Variants in PGP observed in about 807,000 individuals in gnomAD.
The protein encoded by PGP is aspartate-based ubiquitous Mg(2+)-dependent phosphatase.
A neutral mutation model predicts 19.3 loss-of-function variants in PGP; 9 were observed. The observed-to-expected ratio is 0.47, with a 90% confidence interval of 0.28 to 0.81. The LOEUF (loss-of-function observed/expected upper bound fraction) is 0.81. PGP is among the 40% of genes least tolerant of loss of function. PGP has a pLI of 0.11. For synonymous variants in PGP, 308 were observed against 226.8 expected (o/e 1.36, Z -3.22); for missense variants, 403 against 479.9 (o/e 0.84, Z 1.50).
Position 2,211,772 on chromosome 16 carries a change from A to G in PGP, c.*1956T>C, listed in dbSNP as rs1013447263. On this transcript the variant is annotated 3_prime_UTR_variant, in exon 2 of 2. Transcript: ENST00000333503. ...CCTGGGCGCTCTGACACGGCAGCCC[A>G]CCAGCTTCACTCCAGGGCCCTTTGC... 1.0e-6 allele frequency: 1 copy of G among 985,516 alleles called. No homozygotes were observed. Among genetic ancestry groups the G allele is most frequent in the Non-Finnish European group, 1.2e-6 (1 of 830,026 alleles). The allele number at this position is 985,516 out of a possible 1,614,324, so 61.0% of individuals were successfully genotyped here. A position where few individuals can be genotyped will look rare whatever the true frequency, so the allele number is the denominator to read the frequency against.
rs1232744994 is a variant in PGP at position 2,213,785 on chromosome 16, C to G, written c.909G>C (p.Met303Ile). 6.3e-7 allele frequency: 1 copy of G among 1,596,230 alleles called. No individual in the cohort carries two copies. Among genetic ancestry groups the G allele is most frequent in the African/African-American group, 1.3e-5 (1 of 74,484 alleles). ...QESDCVSKKK[M>I]VPDFYVDSIA... ...TGCTGTCAACATAGAAGTCAGGGACCATTTTCTTCTTAGACACGCAGTCAC... is the reference window on the plus strand; with the variant it reads ...TGCTGTCAACATAGAAGTCAGGGACGATTTTCTTCTTAGACACGCAGTCAC... The change falls in exon 2 of 2, where the codon ATG (methionine) becomes ATC (isoleucine). Residue 303 changes from methionine (M) to isoleucine (I), a missense_variant. Met to Ile is a conservative substitution (Grantham distance 10, BLOSUM62 1). Transcript: ENST00000333503.
Position 2,214,258 on chromosome 16 carries a change from G to A in PGP, c.520C>T (p.Pro174Ser), listed in dbSNP as rs2093382531. ...GTGAGCTTCATGTAGCTGAAGTGCG[G>A]GTCAAAGCCCACCACCACCGCGCGC... ...DVRAVVVGFDPHFSYMKLTKA... is the reference protein window; with the variant it reads ...DVRAVVVGFDSHFSYMKLTKA... Residue 174 changes from proline to serine, a missense_variant, in exon 1 of 2, where the codon CCG (proline) becomes TCG (serine). Coordinates refer to ENST00000333503, the MANE Select transcript of PGP (RefSeq NM_001042371.3). The surrounding 1 kb of genome is among the most constrained non-coding windows in gnomAD (Gnocchi z 7.1). The A allele has an allele frequency of 6.3e-7, 1 of 1,586,480 alleles. No homozygotes were observed. The highest frequency in any genetic ancestry group is 1.1e-5 in the South Asian group (1 of 88,932).
In PGP at chr16:2,212,322, C is replaced by T; in HGVS notation, c.*1406G>A. 1 of 986,092 alleles carries T rather than the reference C, an allele frequency of 1.0e-6. No individual in the cohort carries two copies. The highest frequency in any genetic ancestry group is 4.7e-5 in the South Asian group (1 of 21,292). 61.1% of individuals were successfully genotyped at this position (986,092 alleles called of 1,614,324 possible). A position where few individuals can be genotyped will look rare whatever the true frequency, so the allele number is the denominator to read the frequency against. ...CTTATTGCTCTGAAGTCTTTGTGAC[C>T]AAGTGGAGTGCTGTGACTGTGGGGC... On this transcript the variant is annotated 3_prime_UTR_variant, in exon 2 of 2. Coordinates refer to ENST00000333503, the MANE Select transcript of PGP (RefSeq NM_001042371.3).
rs1610874 is a variant in PGP at position 2,212,926 on chromosome 16, G to GTTTA, written c.*801_*802insTAAA. The GTTTA allele has an allele frequency of 9.9e-5, 98 of 985,362 alleles. No individual in the cohort carries two copies. Among genetic ancestry groups the GTTTA allele is most frequent in the Non-Finnish European group, 1.1e-4 (94 of 829,912 alleles). The allele number at this position is 985,362 out of a possible 1,614,324, so 61.0% of individuals were successfully genotyped here. On this transcript the variant is annotated 3_prime_UTR_variant, in exon 2 of 2. Coordinates refer to ENST00000333503, the MANE Select transcript of PGP (RefSeq NM_001042371.3). ...ACACAGTTGTTCAAAGTTAAAAACTGGTAGCAGCACTGCTCTGAGCTCCCT... is the reference window on the plus strand; with the variant it reads ...ACACAGTTGTTCAAAGTTAAAAACTGTTTAGTAGCAGCACTGCTCTGAGCTCCCT...
Position 2,213,691 on chromosome 16 carries a change from C to CTT in PGP, c.*35_*36dup. ...AATTTGGGTAACTGGTTTTCAATTT[C>CTT]TTTTTTTTTATTCTGCAGATTAAAG... On this transcript the variant is annotated 3_prime_UTR_variant, in exon 2 of 2. Coordinates refer to ENST00000333503, the MANE Select transcript of PGP (RefSeq NM_001042371.3). 6.8e-7 allele frequency: 1 copy of CTT among 1,465,978 alleles called. No individual in the cohort carries two copies. The highest frequency in any genetic ancestry group is 9.1e-7 in the Non-Finnish European group (1 of 1,104,414). The allele number at this position is 1,465,978 out of a possible 1,614,324, so 90.8% of individuals were successfully genotyped here.
At position 2,212,550 on chromosome 16, in the gene PGP, G is replaced by T; in HGVS notation, c.*1178C>A. 1 of 985,520 alleles carries T rather than the reference G, an allele frequency of 1.0e-6. No individual in the cohort carries two copies. Among genetic ancestry groups the T allele is most frequent in the Non-Finnish European group, 1.2e-6 (1 of 829,964 alleles). The allele number at this position is 985,520 out of a possible 1,614,324, so 61.0% of individuals were successfully genotyped here. On this transcript the variant is annotated 3_prime_UTR_variant, in exon 2 of 2. Coordinates refer to ENST00000333503, the MANE Select transcript of PGP (RefSeq NM_001042371.3). ...CCAAGTCCTGCTGGCCACTGAAGAG[G>T]GAATCCAGGGCAAGGCAGGTGACCT...
Position 2,213,897 on chromosome 16 carries a change from ATG to A in PGP, c.795_796del (p.Ile266ProfsTer26). On this transcript the variant is annotated frameshift_variant, in exon 2 of 2. Transcript: ENST00000333503. LOFTEE classifies it high-confidence loss of function. ...CAGGCCACAGGTGGCGCCTAGGAGGATGTCTGTGTCCAGGCGGTCTCCCACCA... is the reference window on the plus strand; with the variant it reads ...CAGGCCACAGGTGGCGCCTAGGAGGATCTGTGTCCAGGCGGTCTCCCACCA... The A allele has an allele frequency of 6.2e-7, 1 of 1,613,242 alleles. No homozygotes were observed. The highest frequency in any genetic ancestry group is 8.5e-7 in the Non-Finnish European group (1 of 1,179,544).
chr16:2,212,024 G>C lies in PGP; in HGVS notation c.*1704C>G, dbSNP rs117181636. ...GGTTTGAGAGTTTAATCTGTGCTCT[G>C]GCGCCCACAGTGCTGCAGCCCCTCA... On this transcript the variant is annotated 3_prime_UTR_variant, in exon 2 of 2. Transcript: ENST00000333503. The C allele has an allele frequency of 2.1e-5, 21 of 985,414 alleles. No homozygotes were observed. The highest frequency in any genetic ancestry group is 2.4e-5 in the Non-Finnish European group (20 of 829,978). The allele number at this position is 985,414 out of a possible 1,614,324, so 61.0% of individuals were successfully genotyped here.
At position 2,213,345 on chromosome 16, in the gene PGP, CCT is replaced by C. The variant is rs1567287753; in HGVS notation, c.*381_*382del. 4 of 993,666 alleles carry C rather than the reference CCT, an allele frequency of 4.0e-6. No individual in the cohort carries two copies. The highest frequency in any genetic ancestry group is 5.2e-4 in the Middle Eastern group (1 of 1,940). 61.6% of individuals were successfully genotyped at this position (993,666 alleles called of 1,614,324 possible). A position where few individuals can be genotyped will look rare whatever the true frequency, so the allele number is the denominator to read the frequency against. The stretch of plus-strand genomic sequence containing the variant: ...GTCAGAATAATCAGTCCCTCTGCCC[CCT>C]GAGGGGCTGGATCCCTGAATGAGTT... On this transcript the variant is annotated 3_prime_UTR_variant, in exon 2 of 2. Coordinates refer to ENST00000333503, the MANE Select transcript of PGP (RefSeq NM_001042371.3).
rs936456076 is a variant in PGP, at chr16:2,213,473, A to G, written c.*255T>C. ...GACAGGTGCAGAGCCTGCCCCTGCC[A>G]ACCCCACCCAAGGCCCAGAACCCAG... On this transcript the variant is annotated 3_prime_UTR_variant, in exon 2 of 2. Transcript: ENST00000333503. 2.9e-6 allele frequency: 2 copies of G among 700,724 alleles called. No individual in the cohort carries two copies. The highest frequency in any genetic ancestry group is 3.9e-6 in the Non-Finnish European group (2 of 512,960). The allele number at this position is 700,724 out of a possible 1,614,324, so 43.4% of individuals were successfully genotyped here.
At position 2,214,795 on chromosome 16, in the gene PGP, CGCCGCCCGCCGGCCGCTCCTCGCA is replaced by C; in HGVS notation, c.-42_-19del. On this transcript the variant is annotated 5_prime_UTR_variant, in exon 1 of 2. Transcript: ENST00000333503. This position sits in a 1 kb window ranked among gnomAD's most constrained non-coding sequence, Gnocchi z 7.1. ...GCCGCCATCGCCGCCCGCCGGCCGC[CGCCGCCCGCCGGCCGCTCCTCGCA>C]GCCGCCCGCCGCGGCGCCCTCCCCG... The C allele has an allele frequency of 1.1e-6, 1 of 890,568 alleles. No homozygotes were observed. Among genetic ancestry groups the C allele is most frequent in the Non-Finnish European group, 1.3e-6 (1 of 744,974 alleles). 55.2% of individuals were successfully genotyped at this position (890,568 alleles called of 1,614,324 possible). A position where few individuals can be genotyped will look rare whatever the true frequency, so the allele number is the denominator to read the frequency against.
rs1166363259 is a variant in PGP at position 2,211,727 on chromosome 16, T to A, written c.*2001A>T. Reference sequence around the variant, plus strand: ...GCCACTGCGCCCGGGCCAGCATTACTTCTGAGCTCTGCTCCCTGCCCTGGG... The same window carrying A: ...GCCACTGCGCCCGGGCCAGCATTACATCTGAGCTCTGCTCCCTGCCCTGGG... On this transcript the variant is annotated 3_prime_UTR_variant, in exon 2 of 2. Transcript: ENST00000333503. 1 of 985,410 alleles carries A rather than the reference T, an allele frequency of 1.0e-6. No homozygotes were observed. Among genetic ancestry groups the A allele is most frequent in the Non-Finnish European group, 1.2e-6 (1 of 830,000 alleles). 61.0% of individuals were successfully genotyped at this position (985,410 alleles called of 1,614,324 possible).
Position 2,211,695 on chromosome 16 carries a change from G to C in PGP, c.*2033C>G, listed in dbSNP as rs1321250076. The C allele has an allele frequency of 1.3e-5, 13 of 985,314 alleles. No individual in the cohort carries two copies. Among genetic ancestry groups the C allele is most frequent in the Non-Finnish European group, 1.6e-5 (13 of 829,840 alleles). 61.0% of individuals were successfully genotyped at this position (985,314 alleles called of 1,614,324 possible). A position where few individuals can be genotyped will look rare whatever the true frequency, so the allele number is the denominator to read the frequency against. On this transcript the variant is annotated 3_prime_UTR_variant, in exon 2 of 2. Coordinates refer to ENST00000333503, the MANE Select transcript of PGP (RefSeq NM_001042371.3). ...AGCCTTCCAAAGCGTTGGGATTACG[G>C]GTGTGAGCCACTGCGCCCGGGCCAG...
In PGP at chr16:2,212,938, G is replaced by A; in HGVS notation, c.*790C>T. 1 of 985,488 alleles carries A rather than the reference G, an allele frequency of 1.0e-6. No individual in the cohort carries two copies. 61.0% of individuals were successfully genotyped at this position (985,488 alleles called of 1,614,324 possible). ...AAAGTTAAAAACTGGTAGCAGCACT[G>A]CTCTGAGCTCCCTGCACTGCAGCCC... is the stretch of plus-strand genomic sequence containing the variant. On this transcript the variant is annotated 3_prime_UTR_variant, in exon 2 of 2. Transcript: ENST00000333503.
chr16:2,214,098 G>A lies in PGP; in HGVS notation c.640+40C>T, dbSNP rs762090827. On this transcript the variant is annotated intron_variant, in intron 1 of 1. Coordinates refer to ENST00000333503, the MANE Select transcript of PGP (RefSeq NM_001042371.3). The surrounding 1 kb of genome is among the most constrained non-coding windows in gnomAD (Gnocchi z 7.1). ...GGGTCAAAGGGCAGGGAGGGGGCCC[G>A]CCGCCCGCCCCCCAGCCTCCCGCCC... 3.7e-6 allele frequency: 4 copies of A among 1,085,576 alleles called. No homozygotes were observed. Among genetic ancestry groups the A allele is most frequent in the South Asian group, 6.4e-5 (2 of 31,336 alleles). The allele number at this position is 1,085,576 out of a possible 1,614,324, so 67.2% of individuals were successfully genotyped here.
Position 2,214,185 on chromosome 16 carries a change from G to A in PGP, c.593C>T (p.Thr198Ile). ...LQQPGCLLVG[T>I]NMDNRLPLEN... ...AAGCGGAAGCCGGTTGTCCATGTTG[G>A]TGCCCACGAGCAGGCAGCCGGGCTG... The change falls in exon 1 of 2, where the codon ACC becomes ATC. Residue 198 changes from threonine (T) to isoleucine (I), a missense_variant. Physicochemically the swap from Thr to Ile is moderately conservative, Grantham distance 89. Transcript: ENST00000333503. This position sits in a 1 kb window ranked among gnomAD's most constrained non-coding sequence, Gnocchi z 7.1. The A allele has an allele frequency of 1.3e-6, 2 of 1,595,816 alleles. No homozygotes were observed. Among genetic ancestry groups the A allele is most frequent in the Non-Finnish European group, 8.5e-7 (1 of 1,179,056 alleles).
Position 2,213,485 on chromosome 16 carries a change from G to C in PGP, c.*243C>G, listed in dbSNP as rs1415844456. 1.2e-5 allele frequency: 8 copies of C among 665,532 alleles called. No individual in the cohort carries two copies. The highest frequency in any genetic ancestry group is 1.7e-5 in the Non-Finnish European group (8 of 475,316). 41.2% of individuals were successfully genotyped at this position (665,532 alleles called of 1,614,324 possible). ...GCCTGCCCCTGCCAACCCCACCCAA[G>C]GCCCAGAACCCAGCCCACAACGCCT... On this transcript the variant is annotated 3_prime_UTR_variant, in exon 2 of 2. Transcript: ENST00000333503.
Position 2,212,361 on chromosome 16 carries a change from G to A in PGP, c.*1367C>T, listed in dbSNP as rs2093377608. On this transcript the variant is annotated 3_prime_UTR_variant, in exon 2 of 2. Transcript: ENST00000333503. ...TGACTGTGGGGCCAAGAGAGAAGCTGCCAGGTACAGGGAAAGGCGCTGGTA... is the reference window on the plus strand; with the variant it reads ...TGACTGTGGGGCCAAGAGAGAAGCTACCAGGTACAGGGAAAGGCGCTGGTA... 7 of 986,162 alleles carry A rather than the reference G, an allele frequency of 7.1e-6. No homozygotes were observed. The highest frequency in any genetic ancestry group is 8.4e-6 in the Non-Finnish European group (7 of 830,300). The allele number at this position is 986,162 out of a possible 1,614,324, so 61.1% of individuals were successfully genotyped here.
chr16:2,211,616 C>T lies in PGP; in HGVS notation c.*2112G>A. 1.1e-6 allele frequency: 1 copy of T among 905,796 alleles called. No homozygotes were observed. Among genetic ancestry groups the T allele is most frequent in the African/African-American group, 1.8e-5 (1 of 55,632 alleles). The allele number at this position is 905,796 out of a possible 1,614,324, so 56.1% of individuals were successfully genotyped here. A position where few individuals can be genotyped will look rare whatever the true frequency, so the allele number is the denominator to read the frequency against. ...TATTTTTAGTAGAGATGGGTTTTCA[C>T]CATTTTGGCCAGGCTGGTCTTGAAC... On this transcript the variant is annotated 3_prime_UTR_variant, in exon 2 of 2. Transcript: ENST00000333503.
Sources: allele counts gnomAD v4.1 joint callset, GRCh38; gene constraint gnomAD v4.1.1; non-coding constraint Gnocchi (gnomAD v3.1); transcripts MANE v1.5; gene names NCBI Gene and HGNC (gene_info 2026-07-23, HGNC 2026-07-21).